The following ABCC4 variants were observed in gnomAD, a reference collection of about 807,000 sequenced individuals.
ABCC4 encodes the protein ATP binding cassette subfamily C member 4 (PEL blood group).
A neutral mutation model predicts 168.5 loss-of-function variants in ABCC4; 102 were observed. The observed-to-expected ratio is 0.61, with a 90% CI of 0.52 to 0.71. ABCC4 has a LOEUF of 0.71. ABCC4 is among the 30% of genes least tolerant of loss of function. The probability of loss-of-function intolerance (pLI) is 0.00; values close to 1 mark genes in which losing one functional copy is unlikely to be tolerated. For missense variants in ABCC4, 1,402 were observed against 1,605.8 expected (o/e 0.87, Z 2.17); for synonymous variants, 617 against 590.7 (o/e 1.04, Z -0.65).
At chr13:95,084,993 C>T (rs1421702441) in intron 20 of ABCC4, among the ~76,000 whole-genome samples, 2 of 152,246 alleles carry the variant, frequency 1.3e-5, no homozygotes, top group Admixed American at 6.5e-5. Context: ...AAGTTAGTCC[C>T]TACCTACTCT....
intron 20 of ABCC4, among the ~76,000 whole-genome samples, chr13:95,089,806 A>G: frequency 6.6e-6 from 1 of 151,972 alleles, no homozygotes; most frequent in East Asian, 1.9e-4. Context: ...TGAACCCAGG[A>G]GATGAAAGTT....
At chr13:95,078,216 A>G (rs1466488394) in intron 21 of ABCC4, among the ~76,000 whole-genome samples, 15 of 152,092 alleles carry the variant, frequency 9.9e-5, no homozygotes, top group African/African-American at 1.2e-4. Context: ...GGTTCTCTCT[A>G]TTCTCTATCT....
At position 95,234,713 on chromosome 13, in the gene ABCC4, A is replaced by C. The variant is rs1334112656; in HGVS notation, c.428T>G (p.Phe143Cys). 3.1e-6 allele frequency: 5 copies of C among 1,614,162 alleles called. 1 individual carries two copies. In the South Asian group the frequency reaches 5.5e-5, roughly 18 times the overall value. The change falls in exon 4 of 31, where the codon TTT becomes TGT. Residue 143 changes from phenylalanine (F) to cysteine (C), a missense_variant. By Grantham distance (205) the Phe-to-Cys change is radical. Around this residue, in one of 3 missense-constraint regions of ABCC4, gnomAD observed 317 missense variants for 345.5 expected, o/e 0.92. Transcript: ENST00000645237. ...TAYAYATVLT[F>C]CTLILAILHH... The stretch of plus-strand genomic sequence containing the variant: ...CAGTATAGCCAAAATGAGCGTGCAA[A>C]AAGTCAGCACCGTGGCATAGGCGTA...
intron 19 of ABCC4, among the ~76,000 whole-genome samples, chr13:95,157,420 C>G (rs999491482): frequency 3.3e-5 from 5 of 151,696 alleles, no homozygotes; most frequent in Admixed American, 1.3e-4. Context: ...TGCTTGAACC[C>G]AAGAGGTGGA....
chr13:95,245,780 C>T (rs1263422029), intron 3 of ABCC4, among the ~76,000 whole-genome samples: 2 of 152,086 alleles, frequency 1.3e-5, no homozygotes, highest in Admixed American at 6.5e-5. Flanking sequence ...TGGTGTAGGG[C>T]AGAGCTCACC....
chr13:95,214,491 C>T (rs1344031608), intron 4 of ABCC4, among the ~76,000 whole-genome samples: 1 of 152,080 alleles, frequency 6.6e-6, no homozygotes, highest in African/African-American at 2.4e-5. Flanking sequence ...CCTAGACACA[C>T]ATTAAACACA....
At chr13:95,233,786 G>A (rs1486157519) in intron 4 of ABCC4, among the ~76,000 whole-genome samples, 1 of 151,984 alleles carries the variant, frequency 6.6e-6, no homozygotes, top group Non-Finnish European at 1.5e-5. Context: ...ATCCTCAAGA[G>A]GTCCTGTAAC....
intron 3 of ABCC4, among the ~76,000 whole-genome samples, chr13:95,245,871 A>G (rs1338472182): frequency 1.1e-5 from 1 of 92,248 alleles, no homozygotes. Flanking sequence ...ATACAAACCA[A>G]CCCCCTCCCC....
rs764389759 is a variant in ABCC4 at position 95,186,903 on chromosome 13, T to C, written c.1354-11A>G. The C allele has an allele frequency of 1.3e-5, 20 of 1,596,616 alleles. No individual in the cohort carries two copies. Among genetic ancestry groups the C allele is most frequent in the East Asian group, 1.1e-4 (5 of 44,462 alleles). On this transcript the variant is annotated splice_polypyrimidine_tract_variant and intron_variant, in intron 10 of 30. Coordinates refer to ENST00000645237, the MANE Select transcript of ABCC4 (RefSeq NM_005845.5). The stretch of plus-strand genomic sequence containing the variant: ...ACTTAACAGTGATGACTGAAACAGA[T>C]TGTAAAAAAGCACATGTTCAGTCAA...
At chr13:95,194,125 G>A (rs545455208) in intron 9 of ABCC4, among the ~76,000 whole-genome samples, 4 of 152,300 alleles carry the variant, frequency 2.6e-5, no homozygotes, top group African/African-American at 7.2e-5. Context: ...GAGATGCACC[G>A]AGCCTCAGTA....
chr13:95,102,438 C>G (rs2034843358), intron 20 of ABCC4, among the ~76,000 whole-genome samples: 1 of 151,850 alleles, frequency 6.6e-6, no homozygotes, highest in African/African-American at 2.4e-5. Flanking sequence ...AAGACACCAT[C>G]TCTGGCAAAG....
intron 1 of ABCC4, among the ~76,000 whole-genome samples, chr13:95,252,706 GTAAGTAGGAAAAAAAATC>G (rs1426899008): frequency 1.9e-4 from 29 of 152,258 alleles, no homozygotes; most frequent in African/African-American, 7.0e-4. Flanking sequence ...AAAGATATGT[GTAAGTAGGAAAAAAAATC>G]AGTAGGGTTC....
chr13:95,265,947 C>A (rs555631507), intron 1 of ABCC4, among the ~76,000 whole-genome samples: 2 of 152,156 alleles, frequency 1.3e-5, no homozygotes, highest in South Asian at 4.1e-4. Flanking sequence ...CTGTATCTGT[C>A]CCCCCCAGTC....
At chr13:95,194,656 T>C (rs2038358949) in intron 9 of ABCC4, among the ~76,000 whole-genome samples, 180 bp downstream of exon 9, 1 of 152,242 alleles carries the variant, frequency 6.6e-6, no homozygotes, top group Admixed American at 6.5e-5. Flanking sequence ...CTAAGTCTGA[T>C]TTCATACCTA....
intron 4 of ABCC4, among the ~76,000 whole-genome samples, chr13:95,227,675 T>C (rs1192889840): frequency 1.3e-5 from 2 of 152,194 alleles, no homozygotes; most frequent in African/African-American, 4.8e-5. Context: ...ATGAAATTGC[T>C]AGTTTTGTAA....
At chr13:95,102,856 A>G (rs1433280194) in intron 20 of ABCC4, among the ~76,000 whole-genome samples, 2 of 150,756 alleles carry the variant, frequency 1.3e-5, no homozygotes, top group Non-Finnish European at 3.0e-5. Context: ...CCTGACCTCA[A>G]GTGATCCACC....
chr13:95,106,247 A>G (rs2139386647), intron 20 of ABCC4, among the ~76,000 whole-genome samples: 1 of 152,040 alleles, frequency 6.6e-6, no homozygotes, highest in African/African-American at 2.4e-5. Context: ...ATTTTCCTCA[A>G]TTTACAGTTT....
rs142168223 is a variant in ABCC4 at position 95,274,262 on chromosome 13, A to G, written c.75-26509T>C. On this transcript the variant is annotated intron_variant, in intron 1 of 30. Coordinates refer to ENST00000645237, the MANE Select transcript of ABCC4 (RefSeq NM_005845.5). ...ACTGTTTATATTTTTTACTTTGTGC[A>G]TACTATGATGTCTTGACGTTTTGGA... is the stretch of plus-strand genomic sequence containing the variant. Among the ~76,000 whole-genome samples the G allele has an allele frequency of 4.1e-3, 626 of 152,216 alleles. 6 individuals carry two copies. The highest frequency in any genetic ancestry group is 0.01 in the Middle Eastern group (3 of 294).
chr13:95,119,136 C>T (rs369430147), intron 19 of ABCC4, among the ~76,000 whole-genome samples: 10 of 152,226 alleles, frequency 6.6e-5, no homozygotes, highest in African/African-American at 2.4e-4. Context: ...TGACTAAGCC[C>T]ACAATCACAG....
Sources: allele counts gnomAD v4.1 joint callset (sites outside exome capture counted in the v4.1 genomes callset), GRCh38; gene constraint gnomAD v4.1.1; regional missense constraint gnomAD v4.1.1; transcripts MANE v1.5; gene names NCBI Gene and HGNC (gene_info 2026-07-23, HGNC 2026-07-21).